The following ABI3BP variants were observed in gnomAD, a reference collection of about 807,000 sequenced individuals.
ABI3BP encodes target of Nesh-SH3.
A neutral mutation model predicts 268.6 loss-of-function variants in ABI3BP; 216 were observed. The observed-to-expected ratio is 0.80, with a 90% CI of 0.72 to 0.90. The LOEUF (loss-of-function observed/expected upper bound fraction) is 0.90, where lower values mean the gene tolerates loss of function less well. ABI3BP is among the 40% of genes least tolerant of loss of function. The pLI is 0.00. For synonymous variants in ABI3BP, 730 were observed against 730.0 expected (o/e 1.00, Z 0.00); for missense variants, 2,090 against 2,182.4 (o/e 0.96, Z 0.84).
rs185478733 is a variant in ABI3BP, at chr3:100,910,546, T to A, written c.260-7860A>T. On this transcript the variant is annotated intron_variant, in intron 2 of 67. Coordinates refer to ENST00000471714, the MANE Select transcript of ABI3BP (RefSeq NM_001375547.2). Reference sequence around the variant, plus strand: ...TCCTATTCTTGCTTTTCCTTTTTTTTTAAAAAAAAAATAGAGATGGGTCTC... The same window carrying A: ...TCCTATTCTTGCTTTTCCTTTTTTTATAAAAAAAAAATAGAGATGGGTCTC... Among the ~76,000 whole-genome samples, 1,329 of 151,502 alleles carry A rather than the reference T, an allele frequency of 8.8e-3. 15 individuals are homozygous for A. The highest frequency in any genetic ancestry group is 0.029 in the African/African-American group (1,198 of 41,392).
At chr3:100,763,627 T>C (rs1031438059) in intron 63 of ABI3BP, among the ~76,000 whole-genome samples, 4 of 152,128 alleles carry the variant, frequency 2.6e-5, no homozygotes, top group Admixed American at 1.3e-4. Context: ...AAGAGGGCCA[T>C]ACTGTCTTTC....
At position 100,749,173 on chromosome 3, in the gene ABI3BP, T is replaced by TTA. The variant is rs1217732932; in HGVS notation, c.*1320_*1321dup. ...GGTAATCGTTGGTTTAAAATGAACT[T>TTA]TATTACTTCATAGGATGAAAGGTTA... On this transcript the variant is annotated 3_prime_UTR_variant, in exon 68 of 68. Transcript: ENST00000471714. The TTA allele has an allele frequency of 4.9e-5, 5 of 102,116 alleles. No individual in the cohort carries two copies. The highest frequency in any genetic ancestry group is 1.8e-4 in the African/African-American group (5 of 27,034). The allele number at this position is 102,116 out of a possible 1,614,324, so 6.3% of individuals were successfully genotyped here.
At chr3:100,944,793 C>G (rs2071310246) in intron 1 of ABI3BP, among the ~76,000 whole-genome samples, 1 of 152,102 alleles carries the variant, frequency 6.6e-6, no homozygotes, top group African/African-American at 2.4e-5. Context: ...CATCAAAAGT[C>G]TTCTAAAGAC....
At position 100,767,813 on chromosome 3, in the gene ABI3BP, T is replaced by C. The variant is rs545020651; in HGVS notation, c.4742-1864A>G. On this transcript the variant is annotated intron_variant, in intron 62 of 67. Coordinates refer to ENST00000471714, the MANE Select transcript of ABI3BP (RefSeq NM_001375547.2). ...GGTGGTACCTATTATTATGCTGCTT[T>C]TATTATTATTTATCATCCTTGAGTT... is the stretch of plus-strand genomic sequence containing the variant. Among the ~76,000 whole-genome samples, 214 of 152,262 alleles carry C rather than the reference T, an allele frequency of 1.4e-3. 1 individual carries two copies. The highest frequency in any genetic ancestry group is 5.0e-3 in the African/African-American group (208 of 41,554).
chr3:100,857,123 T>C (rs1001155305), intron 14 of ABI3BP, among the ~76,000 whole-genome samples: 1 of 152,190 alleles, frequency 6.6e-6, no homozygotes, highest in Non-Finnish European at 1.5e-5. Flanking sequence ...TGAAGACCCA[T>C]AGATCATTTG....
chr3:100,832,779 T>G (rs1044334362), intron 30 of ABI3BP, among the ~76,000 whole-genome samples: 8 of 151,922 alleles, frequency 5.3e-5, no homozygotes, highest in Non-Finnish European at 8.8e-5. Context: ...AAAAATTACA[T>G]ACAATTTGAA....
intron 62 of ABI3BP, among the ~76,000 whole-genome samples, chr3:100,768,323 C>T (rs1190898417): frequency 6.6e-6 from 1 of 152,198 alleles, no homozygotes; most frequent in African/African-American, 2.4e-5. Flanking sequence ...CTCCTGACCT[C>T]GTAATCCGCC....
intron 2 of ABI3BP, among the ~76,000 whole-genome samples, chr3:100,908,670 G>T (rs2054716598): frequency 6.6e-6 from 1 of 152,028 alleles, no homozygotes; most frequent in South Asian, 2.1e-4. Flanking sequence ...GCTACAAAGA[G>T]AATAAAATAC....
chr3:100,794,596 T>TA (rs1264676607), intron 54 of ABI3BP, among the ~76,000 whole-genome samples: 1 of 151,866 alleles, frequency 6.6e-6, no homozygotes, highest in African/African-American at 2.4e-5. Context: ...CAGTTTAAAA[T>TA]ACAGAAAAAG....
At chr3:100,798,780 C>G (rs2097432964) in intron 51 of ABI3BP, among the ~76,000 whole-genome samples, 1 of 152,118 alleles carries the variant, frequency 6.6e-6, no homozygotes, top group Admixed American at 6.6e-5. Context: ...AATATGAAGT[C>G]TGCAATAAGG....
rs1317457668 is a variant in ABI3BP at position 100,749,418 on chromosome 3, G to T, written c.*1077C>A. ...TGTAGCGTTGATAAGATTGAAGCAT[G>T]TTGAAAGGTAAGTACAGGGAAAGGT... On this transcript the variant is annotated 3_prime_UTR_variant, in exon 68 of 68. Transcript: ENST00000471714. 2.6e-6 allele frequency: 1 copy of T among 383,814 alleles called. No individual in the cohort carries two copies. The highest frequency in any genetic ancestry group is 1.5e-4 in the South Asian group (1 of 6,806). The allele number at this position is 383,814 out of a possible 1,614,324, so 23.8% of individuals were successfully genotyped here.
intron 6 of ABI3BP, among the ~76,000 whole-genome samples, chr3:100,882,930 G>C (rs2040118145): frequency 6.6e-6 from 1 of 152,088 alleles, no homozygotes; most frequent in African/African-American, 2.4e-5. Flanking sequence ...CAAAGAATGA[G>C]GATTTTTCTA....
intron 19 of ABI3BP, among the ~76,000 whole-genome samples, chr3:100,847,379 C>A (rs925501664): frequency 1.3e-5 from 2 of 152,172 alleles, no homozygotes; most frequent in African/African-American, 4.8e-5. Context: ...AAAGCTGACA[C>A]AGAATGACAT....
chr3:100,816,846 A>G, intron 42 of ABI3BP, 78 bp from the exon 43 acceptor site: 1 of 997,420 alleles, frequency 1.0e-6, no homozygotes, highest in East Asian at 2.6e-5. Context: ...GGTATGTCAT[A>G]TTTCCTTGAG....
At chr3:100,899,332 A>AGTC (rs1400737131) in intron 3 of ABI3BP, among the ~76,000 whole-genome samples, 4 of 152,234 alleles carry the variant, frequency 2.6e-5, no homozygotes, top group African/African-American at 9.6e-5. Flanking sequence ...TGAGTGTGAA[A>AGTC]TAACATCTAA....
intron 35 of ABI3BP, 140 bp downstream of exon 35, chr3:100,825,645 A>G: frequency 2.9e-6 from 2 of 697,988 alleles, no homozygotes; most frequent in Non-Finnish European, 4.9e-6. Context: ...GATGATAGAA[A>G]TAGTTGAATG....
chr3:100,834,760 C>A lies in ABI3BP; in HGVS notation c.2205G>T (p.Ser735=), dbSNP rs1418480713. ...GTGGACGACGTGTTCTTGTTCGTTG[C>A]GATGTTTTTGGAGCTAAAGAAAGGA... is the stretch of plus-strand genomic sequence containing the variant. ...ATVTTLAPKT[S]QRTRTRRPRP... The change falls in exon 29 of 68, where the codon TCG becomes TCT. Residue 735 remains serine (S), a synonymous_variant. Coordinates refer to ENST00000471714, the MANE Select transcript of ABI3BP (RefSeq NM_001375547.2). The A allele has an allele frequency of 2.0e-6, 3 of 1,535,330 alleles. No individual in the cohort carries two copies. Among genetic ancestry groups the A allele is most frequent in the Non-Finnish European group, 2.6e-6 (3 of 1,146,476 alleles).
In ABI3BP at chr3:100,832,256, A is replaced by G. The variant is rs925881709; in HGVS notation, c.2401+8T>C. ...TTGGATTCTACAAAACAGAAACTACATATTTACCCAGTTTAGTTTGAGGTA... is the reference window on the plus strand; with the variant it reads ...TTGGATTCTACAAAACAGAAACTACGTATTTACCCAGTTTAGTTTGAGGTA... On this transcript the variant is annotated splice_region_variant and intron_variant, in intron 31 of 67. Coordinates refer to ENST00000471714, the MANE Select transcript of ABI3BP (RefSeq NM_001375547.2). The G allele has an allele frequency of 1.1e-5, 17 of 1,534,706 alleles. No individual in the cohort carries two copies. Among genetic ancestry groups the G allele is most frequent in the African/African-American group, 9.6e-5 (7 of 72,972 alleles).
chr3:100,853,470 A>C (rs2098891137), intron 14 of ABI3BP, among the ~76,000 whole-genome samples: 1 of 152,184 alleles, frequency 6.6e-6, no homozygotes. Context: ...AAACTTTGCC[A>C]ACTTGTATTT....
Sources: gnomAD v4.1 joint callset for allele counts (sites outside exome capture counted in the v4.1 genomes callset) on GRCh38, gnomAD v4.1.1 for gene constraint, MANE v1.5 for transcripts, NCBI Gene and HGNC (gene_info 2026-07-23, HGNC 2026-07-21) for gene names.